The following PLAAT2 variants were observed in gnomAD, a reference collection of about 807,000 sequenced individuals.
PLAAT2 encodes HRAS like suppressor 2.
Under a neutral mutation model 12.8 loss-of-function variants are expected in PLAAT2, and 12 were observed. The ratio of observed to expected loss-of-function variants is 0.94; its 90% CI spans 0.60 to 1.52. The LOEUF is 1.52. PLAAT2 is among the 40% of genes most tolerant of loss of function. The probability of loss-of-function intolerance (pLI) is 0.00; values close to 1 mark genes in which losing one functional copy is unlikely to be tolerated. For missense variants in PLAAT2, 166 were observed against 208.1 expected (o/e 0.80, Z 1.24); for synonymous variants, 79 against 86.8 (o/e 0.91, Z 0.50).
At chr11:63,554,736 G>A (rs565442634) in intron 3 of PLAAT2, among the ~76,000 whole-genome samples, 1 of 152,024 alleles carries the variant, frequency 6.6e-6, no homozygotes, top group African/African-American at 2.4e-5. Flanking sequence ...GCCCTTCACA[G>A]ACAGGGAAGC....
Position 63,560,184 on chromosome 11 carries a change from T to C in PLAAT2, c.19A>G (p.Arg7Gly). MALARP[R>G]PRLGDLIEIS... ...TCAATCAGGTCTCCAAGTCTCGGTC[T>C]TGGTCTGGCCTGCAACAGAAAAACC... is the stretch of plus-strand genomic sequence containing the variant. The change falls in exon 2 of 4, where the codon AGA (arginine) becomes GGA (glycine). Residue 7 changes from arginine (R) to glycine (G), a missense_variant. Coordinates refer to ENST00000255695, the MANE Select transcript of PLAAT2 (RefSeq NM_017878.2). The C allele has an allele frequency of 1.2e-6, 2 of 1,613,388 alleles. No homozygotes were observed. The highest frequency in any genetic ancestry group is 1.7e-6 in the Non-Finnish European group (2 of 1,179,592).
At chr11:63,563,185 C>G in intron 1 of PLAAT2, 131 bp downstream of exon 1, 1 of 1,035,652 alleles carries the variant, frequency 9.7e-7, no homozygotes, top group Non-Finnish European at 1.5e-6. Flanking sequence ...GAGAGCCAGA[C>G]CCCCAGAACT....
intron 3 of PLAAT2, among the ~76,000 whole-genome samples, chr11:63,555,387 C>T (rs138601599): frequency 2.6e-5 from 4 of 152,290 alleles, no homozygotes; most frequent in African/African-American, 7.2e-5. Flanking sequence ...TAACTACTTA[C>T]ATTGCATTGA....
At chr11:63,560,269 C>T (rs768883902) in intron 1 of PLAAT2, 76 bp from the exon 2 acceptor site, 68 of 1,067,258 alleles carry the variant, frequency 6.4e-5, no homozygotes, top group Non-Finnish European at 8.9e-5. Flanking sequence ...CTGCAAGGAG[C>T]CCCAGCTCAG....
intron 1 of PLAAT2, among the ~76,000 whole-genome samples, chr11:63,562,840 G>T (rs1195352905): frequency 6.6e-6 from 1 of 152,208 alleles, no homozygotes; most frequent in Non-Finnish European, 1.5e-5. Flanking sequence ...CTGCCTGGAG[G>T]CGAGGGAGAC....
chr11:63,556,442 G>C (rs1201415262), intron 3 of PLAAT2, among the ~76,000 whole-genome samples: 6 of 152,048 alleles, frequency 3.9e-5, no homozygotes, highest in African/African-American at 1.4e-4. Context: ...CTATAGAAGA[G>C]CTTTTAGATG....
In PLAAT2 at chr11:63,558,450, C is replaced by T; in HGVS notation, c.329G>A (p.Ser110Asn). The change falls in exon 3 of 4, where the codon AGT becomes AAT. Residue 110 changes from serine (S) to asparagine (N), a missense_variant. Physicochemically the swap from Ser to Asn is conservative, Grantham distance 46. Coordinates refer to ENST00000255695, the MANE Select transcript of PLAAT2 (RefSeq NM_017878.2). Reference sequence around the variant, plus strand: ...GTTCACGAAGTGCTCGCAGTTGTCACTGGTCAGCGAATAAGGCAACTCCTG... The same window carrying T: ...GTTCACGAAGTGCTCGCAGTTGTCATTGGTCAGCGAATAAGGCAACTCCTG... ...VGQELPYSLT[S>N]DNCEHFVNHL... The T allele has an allele frequency of 6.2e-7, 1 of 1,614,224 alleles. No individual in the cohort carries two copies. Among genetic ancestry groups the T allele is most frequent in the Non-Finnish European group, 8.5e-7 (1 of 1,180,052 alleles).
Position 63,553,019 on chromosome 11 carries a change from G to A in PLAAT2, c.434C>T (p.Ala145Val). Reference protein sequence around the residue: ...TTVGVAAGLLAAASLVGILLA... With the variant: ...TTVGVAAGLLVAASLVGILLA... ...CAGGATCCCCACAAGGCTTGCGGCAGCCAGCAGGCCTGCTGCCACACCTAC... is the reference window on the plus strand; with the variant it reads ...CAGGATCCCCACAAGGCTTGCGGCAACCAGCAGGCCTGCTGCCACACCTAC... Residue 145 changes from alanine to valine, a missense_variant, in exon 4 of 4, where the codon GCT (alanine) becomes GTT (valine). Coordinates refer to ENST00000255695, the MANE Select transcript of PLAAT2 (RefSeq NM_017878.2). 1 of 1,613,950 alleles carries A rather than the reference G, an allele frequency of 6.2e-7. No individual in the cohort carries two copies. The highest frequency in any genetic ancestry group is 8.5e-7 in the Non-Finnish European group (1 of 1,179,954).
At chr11:63,563,712 A>G (rs1347568560), upstream of PLAAT2, among the ~76,000 whole-genome samples, 2 of 117,376 alleles carry the variant, frequency 1.7e-5, no homozygotes, top group Non-Finnish European at 1.7e-5. Flanking sequence ...GGCGAGACTC[A>G]GTCAAAAAAA....
At position 63,558,439 on chromosome 11, in the gene PLAAT2, C is replaced by T; in HGVS notation, c.340G>A (p.Glu114Lys). ...LPYSLTSDNC[E>K]HFVNHLRYGV... ...TAGCGCAGATGGTTCACGAAGTGCT[C>T]GCAGTTGTCACTGGTCAGCGAATAA... The change falls in exon 3 of 4, where the codon GAG (glutamate) becomes AAG (lysine). Residue 114 changes from glutamate to lysine, a missense_variant. Coordinates refer to ENST00000255695, the MANE Select transcript of PLAAT2 (RefSeq NM_017878.2). 2 of 1,614,182 alleles carry T rather than the reference C, an allele frequency of 1.2e-6. No individual in the cohort carries two copies. Among genetic ancestry groups the T allele is most frequent in the Non-Finnish European group, 1.7e-6 (2 of 1,180,044 alleles).
chr11:63,558,015 C>A (rs1184937549), intron 3 of PLAAT2, among the ~76,000 whole-genome samples: 2 of 152,208 alleles, frequency 1.3e-5, no homozygotes, highest in South Asian at 2.1e-4. Context: ...CCATGGCTGA[C>A]ATGGACTAGA....
intron 3 of PLAAT2, among the ~76,000 whole-genome samples, chr11:63,553,457 T>C (rs576888292): frequency 6.8e-6 from 1 of 147,500 alleles, no homozygotes; most frequent in South Asian, 2.1e-4. Context: ...CTAGGCAACA[T>C]GGTGAGACCC....
intron 3 of PLAAT2, among the ~76,000 whole-genome samples, chr11:63,554,829 A>AG (rs1282955031): frequency 6.6e-6 from 1 of 152,168 alleles, no homozygotes; most frequent in African/African-American, 2.4e-5. Flanking sequence ...GGGAAAAGAA[A>AG]GGGGGAAAAA....
chr11:63,556,865 G>A (rs181389018), intron 3 of PLAAT2, among the ~76,000 whole-genome samples: 206 of 152,310 alleles, frequency 1.4e-3, no homozygotes, highest in Non-Finnish European at 2.2e-3. Flanking sequence ...CAACCACGTC[G>A]AGGCTCCTGC....
rs182222327 is a variant in PLAAT2 at position 63,552,897 on chromosome 11, T to G, written c.*67A>C. 2.0e-3 allele frequency: 2,119 copies of G among 1,065,482 alleles called. 5 individuals are homozygous for G. Among genetic ancestry groups the G allele is most frequent in the Non-Finnish European group, 2.7e-3 (1,883 of 686,382 alleles). The allele number at this position is 1,065,482 out of a possible 1,614,324, so 66.0% of individuals were successfully genotyped here. A position where few individuals can be genotyped will look rare whatever the true frequency, so the allele number is the denominator to read the frequency against. On this transcript the variant is annotated 3_prime_UTR_variant, in exon 4 of 4. Transcript: ENST00000255695. ...AAACAGTAAAATCAGTAAACCAAAC[T>G]CCACTCCTGCTGGCTAAATAATATT...
chr11:63,557,496 A>T (rs1223573358), intron 3 of PLAAT2, among the ~76,000 whole-genome samples: 3 of 151,942 alleles, frequency 2.0e-5, no homozygotes, highest in Non-Finnish European at 4.4e-5. Context: ...TCCACATGAT[A>T]TACTGCAGTC....
At position 63,552,772 on chromosome 11, in the gene PLAAT2, A is replaced by G; in HGVS notation, c.*192T>C. 1 of 566,332 alleles carries G rather than the reference A, an allele frequency of 1.8e-6. No homozygotes were observed. The highest frequency in any genetic ancestry group is 3.2e-6 in the Non-Finnish European group (1 of 314,732). 35.1% of individuals were successfully genotyped at this position (566,332 alleles called of 1,614,324 possible). ...GAAACACAAGCATTCAGTCCATAGC[A>G]GAGCCCAATTGTGTCTTTAATAGAA... On this transcript the variant is annotated 3_prime_UTR_variant, in exon 4 of 4. Coordinates refer to ENST00000255695, the MANE Select transcript of PLAAT2 (RefSeq NM_017878.2).
chr11:63,554,426 G>A (rs1045447372), intron 3 of PLAAT2, among the ~76,000 whole-genome samples: 2 of 151,854 alleles, frequency 1.3e-5, no homozygotes, highest in African/African-American at 4.8e-5. Flanking sequence ...GAGGTCAGGA[G>A]TTCGAGACCA....
chr11:63,555,716 T>A lies in PLAAT2; in HGVS notation c.388-2651A>T, dbSNP rs976925763. Among the ~76,000 whole-genome samples, 4 of 151,988 alleles carry A rather than the reference T, an allele frequency of 2.6e-5. No homozygotes were observed. In the South Asian group the frequency reaches 8.3e-4, roughly 32 times the overall value. On this transcript the variant is annotated intron_variant, in intron 3 of 3. Transcript: ENST00000255695. ...GTGAGATGCTGTCTCGAAAATAAAA[T>A]AAGTACATGGGAGGATGTGCACAGG...
Sources: allele counts gnomAD v4.1 joint callset (sites outside exome capture counted in the v4.1 genomes callset), GRCh38; gene constraint gnomAD v4.1.1; transcripts MANE v1.5; gene names NCBI Gene and HGNC (gene_info 2026-07-23, HGNC 2026-07-21).